Variants in APOO observed in about 807,000 individuals in gnomAD.
The protein encoded by APOO is apolipoprotein O.
Under a neutral mutation model 23.1 loss-of-function variants are expected in APOO, and 11 were observed. The observed-to-expected ratio is 0.48, with a 90% confidence interval of 0.30 to 0.79. The LOEUF (loss-of-function observed/expected upper bound fraction) is 0.79, where lower values mean the gene tolerates loss of function less well. APOO is among the 30% of genes least tolerant of loss of function. APOO has a pLI of 0.07. For missense variants in APOO, 160 were observed against 142.7 expected, an observed-to-expected ratio of 1.12 and a Z score of -0.62; for synonymous variants, 59 against 54.8, an observed-to-expected ratio of 1.08 and a Z score of -0.34.
chrX:23,839,918 C>T (rs1923890091), intron 8 of APOO: 1 of 112,050 alleles, frequency 8.9e-6, no homozygotes, highest in Admixed American at 9.7e-5. Flanking sequence ...TTCATATATA[C>T]ACAAACAATA....
At chrX:23,889,960 C>A (rs1266873903) in intron 1 of APOO, among the ~76,000 whole-genome samples, 1 of 110,930 alleles carries the variant, frequency 9.0e-6, no homozygotes, top group Non-Finnish European at 1.9e-5. Context: ...CGCGCCTGGC[C>A]CACCTGGGGA....
chrX:23,906,000 T>C (rs1050112569), intron 1 of APOO, among the ~76,000 whole-genome samples: 4 of 112,683 alleles, frequency 3.5e-5, no homozygotes, highest in Non-Finnish European at 7.5e-5. Context: ...CACCAACTCA[T>C]ATCTATGACC....
chrX:23,864,422 C>T (rs1601906941), intron 5 of APOO, among the ~76,000 whole-genome samples: 1 of 111,345 alleles, frequency 9.0e-6, no homozygotes, highest in East Asian at 2.8e-4. Context: ...CCTGCTTTCG[C>T]CTCCCAAGTA....
intron 7 of APOO, among the ~76,000 whole-genome samples, chrX:23,846,491 G>A (rs1282065417): frequency 3.7e-5 from 4 of 107,367 alleles, no homozygotes; most frequent in African/African-American, 1.0e-4. Context: ...GCGTGGTGGC[G>A]CACGCCTGTA....
intron 5 of APOO, among the ~76,000 whole-genome samples, chrX:23,867,387 G>A (rs1024642218): frequency 1.8e-5 from 2 of 110,763 alleles, no homozygotes; most frequent in Admixed American, 9.7e-5. Context: ...TTGTTTAAAA[G>A]AGCCTGGCAT....
chrX:23,837,334 G>T (rs181102159), intron 8 of APOO: 1 of 855,578 alleles, frequency 1.2e-6, no homozygotes, highest in Non-Finnish European at 1.7e-6. Context: ...CGCAGTAGAC[G>T]CAGCAAAGAA....
chrX:23,877,210 C>T (rs916159884), intron 3 of APOO, among the ~76,000 whole-genome samples: 9 of 112,037 alleles, frequency 8.0e-5, no homozygotes, highest in Non-Finnish European at 1.3e-4. Flanking sequence ...AAAATATACA[C>T]ACAAATTTGC....
intron 1 of APOO, among the ~76,000 whole-genome samples, chrX:23,894,082 T>C (rs896277196): frequency 2.7e-5 from 3 of 111,208 alleles, no homozygotes; most frequent in African/African-American, 9.8e-5. Context: ...ATATATGGAG[T>C]CGGAATTTAC....
At chrX:23,888,007 T>C (rs1926449218) in intron 1 of APOO, among the ~76,000 whole-genome samples, 1 of 112,089 alleles carries the variant, frequency 8.9e-6, no homozygotes, top group Non-Finnish European at 1.9e-5. Flanking sequence ...GGTAAACTGG[T>C]GGCCCTTAGC....
intron 7 of APOO, among the ~76,000 whole-genome samples, chrX:23,848,852 AT>A (rs773306111): frequency 0.012 from 751 of 63,614 alleles, 20 homozygotes; most frequent in African/African-American, 0.042. Flanking sequence ...TGCGCGGCTG[AT>A]TTTTTTTTTT....
In APOO at chrX:23,878,984, T is replaced by G; in HGVS notation, c.168A>C (p.Ala56=). 1 of 1,211,897 alleles carries G rather than the reference T, an allele frequency of 8.3e-7. No homozygotes were observed. Among genetic ancestry groups the G allele is most frequent in the Non-Finnish European group, 1.1e-6 (1 of 895,345 alleles). ...AGATGCTTTCTTCAAGCTGGCTCCT[T>G]GCCTCCTCCACATACTTCGATTGAC... The part of the protein sequence containing the change: ...PEGQSKYVEE[A]RSQLEESISQ... Residue 56 remains alanine, a synonymous_variant, in exon 3 of 9, where the codon GCA becomes GCC. Transcript: ENST00000379226.
At chrX:23,855,789 A>G (rs1344909976) in intron 7 of APOO, among the ~76,000 whole-genome samples, 1 of 112,000 alleles carries the variant, frequency 8.9e-6, no homozygotes, top group East Asian at 2.8e-4. Flanking sequence ...AGCACAGAGA[A>G]CGTGGCCTTT....
intron 7 of APOO, among the ~76,000 whole-genome samples, chrX:23,848,846 C>T (rs1225989456): frequency 2.0e-5 from 2 of 98,973 alleles, no homozygotes; most frequent in African/African-American, 3.8e-5. Context: ...CCACCATGCG[C>T]GGCTGATTTT....
At chrX:23,890,163 T>C (rs1425315379) in intron 1 of APOO, among the ~76,000 whole-genome samples, 1 of 112,000 alleles carries the variant, frequency 8.9e-6, no homozygotes, top group East Asian at 2.8e-4. Flanking sequence ...CATTTGAAAG[T>C]ATAAAATGAA....
chrX:23,898,109 T>C (rs932717198), intron 1 of APOO, among the ~76,000 whole-genome samples: 1 of 108,420 alleles, frequency 9.2e-6, no homozygotes, highest in Non-Finnish European at 1.9e-5. Context: ...TTTGTTGTTG[T>C]TTTTTTTGAC....
chrX:23,850,459 A>G (rs1924482054), intron 7 of APOO, among the ~76,000 whole-genome samples: 1 of 112,067 alleles, frequency 8.9e-6, no homozygotes, highest in Non-Finnish European at 1.9e-5. Context: ...TTCACAAATT[A>G]TGAAGCCATG....
intron 3 of APOO, 75 bp from the exon 4 acceptor site, chrX:23,874,532 C>T: frequency 1.2e-6 from 1 of 821,289 alleles, no homozygotes; most frequent in Non-Finnish European, 1.8e-6. Context: ...AATAAATATA[C>T]TTGTTTTTAC....
At chrX:23,861,796 C>CTT (rs10706916) in intron 5 of APOO, among the ~76,000 whole-genome samples, 4 of 67,478 alleles carry the variant, frequency 5.9e-5, no homozygotes, top group Admixed American at 5.5e-4. Flanking sequence ...ACAGGGAGTT[C>CTT]TTTTTTTTTT....
chrX:23,855,040 C>CT (rs768905855), intron 7 of APOO, among the ~76,000 whole-genome samples: 1,874 of 92,042 alleles, frequency 0.02, 65 homozygotes, highest in African/African-American at 0.067. Flanking sequence ...TTCTTTTTTT[C>CT]TTTTTTTTTT....
Sources: allele counts gnomAD v4.1 joint callset (sites outside exome capture counted in the v4.1 genomes callset), GRCh38; gene constraint gnomAD v4.1.1; transcripts MANE v1.5; gene names NCBI Gene and HGNC (gene_info 2026-07-23, HGNC 2026-07-21).